Variants in DISC1 observed in about 807,000 individuals in gnomAD.
The protein encoded by DISC1 is DISC1 scaffold protein, also known as disrupted in schizophrenia 1 protein.
In DISC1, 57 loss-of-function variants were observed where a neutral mutation model predicts 84.5. The ratio of observed to expected loss-of-function variants is 0.67; its 90% CI spans 0.55 to 0.84. The LOEUF is 0.84. DISC1 is among the 40% of genes least tolerant of loss of function. DISC1 has a pLI of 0.00. For synonymous variants in DISC1, 411 were observed against 415.2 expected, an observed-to-expected ratio of 0.99 and a Z score of 0.12; for missense variants, 1,000 against 1,057.8, an observed-to-expected ratio of 0.95 and a Z score of 0.76.
chr1:231,843,922 A>G (rs1302130129), intron 9 of DISC1, among the ~76,000 whole-genome samples: 1 of 152,154 alleles, frequency 6.6e-6, no homozygotes, highest in Non-Finnish European at 1.5e-5. Context: ...TTCTCAGCAT[A>G]TGGATTATAA....
At chr1:231,643,615 C>A (rs1290342169) in intron 1 of DISC1, among the ~76,000 whole-genome samples, 2 of 152,142 alleles carry the variant, frequency 1.3e-5, no homozygotes, top group African/African-American at 4.8e-5. Context: ...TATTGAGGAG[C>A]TATTATTAGA....
At chr1:231,967,972 T>C (rs1661342375) in intron 10 of DISC1, among the ~76,000 whole-genome samples, 2 of 152,298 alleles carry the variant, frequency 1.3e-5, no homozygotes, top group African/African-American at 4.8e-5. Flanking sequence ...CTCAACACCA[T>C]AGTAGTTCAC....
At chr1:231,807,031 C>T (rs764412466) in intron 8 of DISC1, among the ~76,000 whole-genome samples, 7 of 152,230 alleles carry the variant, frequency 4.6e-5, no homozygotes, top group African/African-American at 9.6e-5. Flanking sequence ...CTTGAGTCCG[C>T]GTCCACCGTC....
At chr1:231,762,625 A>C (rs1244724786) in intron 4 of DISC1, among the ~76,000 whole-genome samples, 1 of 151,030 alleles carries the variant, frequency 6.6e-6, no homozygotes, top group Non-Finnish European at 1.5e-5. Context: ...TGCTGGGATG[A>C]CAGGCTTATG....
At chr1:231,780,310 G>A (rs2125524614) in intron 6 of DISC1, among the ~76,000 whole-genome samples, 1 of 150,886 alleles carries the variant, frequency 6.6e-6, no homozygotes, top group East Asian at 1.9e-4. Context: ...TTGATAAATT[G>A]TGTGATTTTT....
intron 12 of DISC1, among the ~76,000 whole-genome samples, chr1:232,027,497 G>C (rs1040732121): frequency 1.3e-5 from 2 of 151,596 alleles, no homozygotes; most frequent in African/African-American, 4.9e-5. Context: ...GTATGCATCC[G>C]TATGAAGCAC....
At chr1:231,932,535 C>T (rs1204105904) in intron 9 of DISC1, among the ~76,000 whole-genome samples, 1 of 152,100 alleles carries the variant, frequency 6.6e-6, no homozygotes, top group Non-Finnish European at 1.5e-5. Context: ...TGCCTGAGTT[C>T]ATGGTAGGGG....
intron 5 of DISC1, 116 bp from the exon 6 acceptor site, chr1:231,770,719 G>T: frequency 6.6e-7 from 1 of 1,517,648 alleles, no homozygotes; most frequent in Non-Finnish European, 8.9e-7. Context: ...CTCAGAAGGG[G>T]AGTTTTGTAG....
chr1:231,833,506 C>A, intron 9 of DISC1, among the ~76,000 whole-genome samples: 1 of 151,454 alleles, frequency 6.6e-6, no homozygotes, highest in South Asian at 2.1e-4. Context: ...GGGAAGGAGT[C>A]AGTCAGAGAG....
At chr1:231,664,651 T>C (rs1001542898) in intron 1 of DISC1, among the ~76,000 whole-genome samples, 6 of 152,152 alleles carry the variant, frequency 3.9e-5, no homozygotes, top group African/African-American at 1.4e-4. Context: ...ACCTTGATTT[T>C]AGCCCAGTGA....
intron 7 of DISC1, among the ~76,000 whole-genome samples, chr1:231,797,986 T>G (rs1221073735): frequency 1.3e-5 from 2 of 151,798 alleles, no homozygotes; most frequent in African/African-American, 2.4e-5. Context: ...CACAGAGAAT[T>G]AAAACAAAAC....
Position 231,988,042 on chromosome 1 carries a change from C to T in DISC1, c.2043-20743C>T, listed in dbSNP as rs186916114. Among the ~76,000 whole-genome samples, 570 of 152,092 alleles carry T rather than the reference C, an allele frequency of 3.7e-3. 7 individuals are homozygous for T. Among genetic ancestry groups the T allele is most frequent in the African/African-American group, 0.013 (556 of 41,480 alleles). On this transcript the variant is annotated intron_variant, in intron 10 of 12. Transcript: ENST00000439617. ...CCCTACTAAAAATACCAAAATTAGC[C>T]GGGTGTGGTGACGTGTGCCTGTAGT...
At position 231,911,856 on chromosome 1, in the gene DISC1, G is replaced by A. The variant is rs1572003789; in HGVS notation, c.1982-46972G>A. Among the ~76,000 whole-genome samples, 3 of 152,090 alleles carry A rather than the reference G, an allele frequency of 2.0e-5. No individual in the cohort carries two copies. In the South Asian group the frequency reaches 6.2e-4, roughly 32 times the overall value. ...CTTTTCACATAGTGCCATATTTCTT[G>A]GAGGTTTGTTTGTTTCTTTTTACTC... On this transcript the variant is annotated intron_variant, in intron 9 of 12. Transcript: ENST00000439617.
chr1:231,851,052 C>G (rs1558650234), intron 9 of DISC1, among the ~76,000 whole-genome samples: 1 of 152,134 alleles, frequency 6.6e-6, no homozygotes, highest in Non-Finnish European at 1.5e-5. Flanking sequence ...TCGGTATGCC[C>G]TGACTTCTAA....
At chr1:231,929,071 G>A (rs371156098) in intron 9 of DISC1, among the ~76,000 whole-genome samples, 2 of 152,108 alleles carry the variant, frequency 1.3e-5, no homozygotes, top group East Asian at 1.9e-4. Context: ...TGTCTATTGC[G>A]TCTGCTTGGT....
chr1:231,647,838 G>T (rs2060265339), intron 1 of DISC1, among the ~76,000 whole-genome samples: 1 of 152,214 alleles, frequency 6.6e-6, no homozygotes, highest in East Asian at 1.9e-4. Flanking sequence ...ATGGGAGTTT[G>T]CTCATGATTT....
intron 4 of DISC1, chr1:231,750,358 C>G (rs2074480315): frequency 8.3e-6 from 10 of 1,210,516 alleles, no homozygotes; most frequent in Non-Finnish European, 1.0e-5. Flanking sequence ...GGAAACTACC[C>G]TTCTAAGAAG....
chr1:232,004,609 C>T (rs149026587), intron 10 of DISC1, among the ~76,000 whole-genome samples: 69 of 151,892 alleles, frequency 4.5e-4, no homozygotes, highest in African/African-American at 1.4e-3. Context: ...ATAGGGAACC[C>T]GAGAAAGAAG....
At chr1:231,802,891 C>T (rs544650323) in intron 8 of DISC1, among the ~76,000 whole-genome samples, 4 of 152,066 alleles carry the variant, frequency 2.6e-5, no homozygotes, top group African/African-American at 4.8e-5. Flanking sequence ...CTATCCTTCA[C>T]GGAGGCCCAT....
Sources: gnomAD v4.1 joint callset for allele counts (sites outside exome capture counted in the v4.1 genomes callset) on GRCh38, gnomAD v4.1.1 for gene constraint, MANE v1.5 for transcripts, NCBI Gene and HGNC (gene_info 2026-07-23, HGNC 2026-07-21) for gene names.